Variants in CSNK1A1 observed in about 807,000 individuals in gnomAD.
The protein encoded by CSNK1A1 is casein kinase 1 alpha 1.
In CSNK1A1, 7 loss-of-function variants were observed where a neutral mutation model predicts 46.1. That is an observed-to-expected ratio of 0.15 (90% CI 0.09 to 0.29). The LOEUF is 0.29. Ranked by LOEUF, CSNK1A1 falls within the 10% of genes least tolerant of loss-of-function variation. The probability of loss-of-function intolerance (pLI) is 1.00; values close to 1 mark genes in which losing one functional copy is unlikely to be tolerated. For missense variants in CSNK1A1, 96 were observed against 417.1 expected (o/e 0.23, Z 6.71); for synonymous variants, 137 against 141.5 (o/e 0.97, Z 0.23).
intron 5 of CSNK1A1, 102 bp downstream of exon 5, chr5:149,512,968 C>A: frequency 7.3e-7 from 1 of 1,369,914 alleles, no homozygotes; most frequent in African/African-American, 1.4e-5. Context: ...AAATCCTCAG[C>A]CAAGAAACAT....
Position 149,534,482 on chromosome 5 carries a change from C to CA in CSNK1A1, c.231-9312dup, listed in dbSNP as rs10597922. On this transcript the variant is annotated intron_variant, in intron 2 of 9. Coordinates refer to ENST00000377843, the MANE Select transcript of CSNK1A1 (RefSeq NM_001892.6). ...CTGGCGACAGAGCGAGACTCTGTCTCAAAAAAAAAAAAAAAAAAAAAAAAA... is the reference window on the plus strand; with the variant it reads ...CTGGCGACAGAGCGAGACTCTGTCTCAAAAAAAAAAAAAAAAAAAAAAAAAA... 2.3e-3 allele frequency among the ~76,000 whole-genome samples: 222 copies of CA among 94,968 alleles called. 3 individuals carry two copies. The highest frequency in any genetic ancestry group is 9.3e-3 in the East Asian group (29 of 3,118). 62.3% of individuals were successfully genotyped at this position (94,968 alleles called of 152,430 possible).
chr5:149,519,625 C>A (rs531507710), intron 4 of CSNK1A1, among the ~76,000 whole-genome samples: 4 of 152,146 alleles, frequency 2.6e-5, no homozygotes, highest in Non-Finnish European at 5.9e-5. Context: ...TCTCAGAGAC[C>A]CCAAATGAAC....
At position 149,550,424 on chromosome 5, in the gene CSNK1A1, C is replaced by G. The variant is rs957267550; in HGVS notation, c.124-243G>C. 2.5e-6 allele frequency: 3 copies of G among 1,217,708 alleles called. No homozygotes were observed. Among genetic ancestry groups the G allele is most frequent in the Admixed American group, 3.6e-5 (1 of 27,652 alleles). 75.4% of individuals were successfully genotyped at this position (1,217,708 alleles called of 1,614,324 possible). On this transcript the variant is annotated intron_variant, in intron 1 of 9. Transcript: ENST00000377843. This position sits in a 1 kb window ranked among gnomAD's most constrained non-coding sequence, Gnocchi z 4.3. ...AAATGATTCATCCAGAAAAAAGAGG[C>G]AACCTCTGAACGTAGTGAGAGGTTT...
At chr5:149,535,838 G>A (rs1762044752) in intron 2 of CSNK1A1, among the ~76,000 whole-genome samples, 1 of 151,696 alleles carries the variant, frequency 6.6e-6, no homozygotes, top group Non-Finnish European at 1.5e-5. Context: ...TAGAGACAGG[G>A]TTTTGCCATG....
chr5:149,539,113 T>G (rs1286473205), intron 2 of CSNK1A1, among the ~76,000 whole-genome samples: 1 of 152,156 alleles, frequency 6.6e-6, no homozygotes, highest in African/African-American at 2.4e-5. Context: ...GTAAATGGTT[T>G]CATACATCGA....
chr5:149,546,182 G>A (rs573206825), intron 2 of CSNK1A1, among the ~76,000 whole-genome samples: 27 of 151,774 alleles, frequency 1.8e-4, no homozygotes, highest in African/African-American at 6.5e-4. Flanking sequence ...GATTACAGGC[G>A]TGAGCCATGG....
chr5:149,516,346 CA>C (rs34499682), intron 4 of CSNK1A1, among the ~76,000 whole-genome samples: 97,914 of 151,492 alleles, frequency 0.65, 32,895 homozygotes, highest in East Asian at 0.99. Context: ...AAAAACCCCC[CA>C]AAAAAAACAA....
At chr5:149,537,480 A>G (rs915312122) in intron 2 of CSNK1A1, among the ~76,000 whole-genome samples, 7 of 152,114 alleles carry the variant, frequency 4.6e-5, no homozygotes, top group South Asian at 4.1e-4. Flanking sequence ...AAATTCACTA[A>G]CTACCCTCAA....
At chr5:149,509,833 G>T in intron 7 of CSNK1A1, 46 bp downstream of exon 7, 1 of 1,428,882 alleles carries the variant, frequency 7.0e-7, no homozygotes, top group Non-Finnish European at 9.7e-7. Flanking sequence ...GAGCCATTGT[G>T]CCTGGCTTCA....
chr5:149,504,771 A>C (rs1760973423), intron 9 of CSNK1A1: 1 of 985,340 alleles, frequency 1.0e-6, no homozygotes, highest in East Asian at 1.1e-4. Flanking sequence ...TCAAGCCAAA[A>C]ACAAAGAAAT....
At chr5:149,532,696 C>T (rs1276174744) in intron 2 of CSNK1A1, among the ~76,000 whole-genome samples, 2 of 152,094 alleles carry the variant, frequency 1.3e-5, no homozygotes, top group South Asian at 2.1e-4. Context: ...CTACCCCCCA[C>T]AAAAATCAGT....
chr5:149,500,836 T>C (rs1317009608), intron 9 of CSNK1A1, among the ~76,000 whole-genome samples: 1 of 152,006 alleles, frequency 6.6e-6, no homozygotes, highest in Non-Finnish European at 1.5e-5. Flanking sequence ...GTAATAACTC[T>C]TCCTTCCCTA....
intron 2 of CSNK1A1, among the ~76,000 whole-genome samples, chr5:149,541,984 A>AG (rs1762247722): frequency 6.6e-6 from 1 of 151,034 alleles, no homozygotes; most frequent in Non-Finnish European, 1.5e-5. Context: ...AAAAAAAAAA[A>AG]AAAAAAAAAA....
At chr5:149,499,505 T>C (rs1413167645) in intron 9 of CSNK1A1, among the ~76,000 whole-genome samples, 1 of 152,150 alleles carries the variant, frequency 6.6e-6, no homozygotes, top group East Asian at 1.9e-4. Flanking sequence ...CTCACATCTA[T>C]AATGCTAACA....
chr5:149,519,019 A>G (rs2113110127), intron 4 of CSNK1A1, among the ~76,000 whole-genome samples: 1 of 152,250 alleles, frequency 6.6e-6, no homozygotes, highest in East Asian at 1.9e-4. Context: ...TTTTTTTTCA[A>G]TTGAATTACC....
intron 2 of CSNK1A1, among the ~76,000 whole-genome samples, chr5:149,530,391 T>C (rs1443375639): frequency 6.6e-6 from 1 of 152,180 alleles, no homozygotes; most frequent in Non-Finnish European, 1.5e-5. Flanking sequence ...TTATAAAAGT[T>C]AAAAAGTCGT....
intron 2 of CSNK1A1, among the ~76,000 whole-genome samples, chr5:149,544,534 T>C (rs1415380286): frequency 6.6e-6 from 1 of 151,124 alleles, no homozygotes; most frequent in African/African-American, 2.4e-5. Flanking sequence ...AATTGTTCCT[T>C]TGGAGAACTT....
chr5:149,520,204 C>T, intron 4 of CSNK1A1, 86 bp downstream of exon 4: 2 of 836,150 alleles, frequency 2.4e-6, no homozygotes, highest in Admixed American at 2.4e-5. Flanking sequence ...CTTACTATGG[C>T]TTTTTAAAAG....
At chr5:149,548,392 C>A (rs1164386892) in intron 2 of CSNK1A1, among the ~76,000 whole-genome samples, 1 of 149,194 alleles carries the variant, frequency 6.7e-6, no homozygotes, top group Non-Finnish European at 1.5e-5. Context: ...CACGGCAAAA[C>A]CTCAGCTCTA....
Sources: allele counts gnomAD v4.1 joint callset (sites outside exome capture counted in the v4.1 genomes callset), GRCh38; gene constraint gnomAD v4.1.1; non-coding constraint Gnocchi (gnomAD v3.1); transcripts MANE v1.5; gene names NCBI Gene and HGNC (gene_info 2026-07-23, HGNC 2026-07-21).